ATP8A2: variants seen among roughly 807,000 people sequenced by gnomAD.
The protein encoded by ATP8A2 is phospholipid-transporting ATPase IB.
Under a neutral mutation model 165.6 loss-of-function variants are expected in ATP8A2, and 100 were observed. The observed-to-expected ratio is 0.60, with a 90% confidence interval of 0.51 to 0.71. The LOEUF is 0.71. Among genes scored for constraint, ATP8A2 ranks in the 30% least tolerant of loss-of-function variants. The pLI is 0.00. For synonymous variants in ATP8A2, 543 were observed against 548.8 expected, an observed-to-expected ratio of 0.99 and a Z score of 0.15; for missense variants, 1,227 against 1,479.5, an observed-to-expected ratio of 0.83 and a Z score of 2.80.
At chr13:25,816,438 C>T (rs1308319132) in intron 27 of ATP8A2, among the ~76,000 whole-genome samples, 1 of 152,200 alleles carries the variant, frequency 6.6e-6, no homozygotes, top group Non-Finnish European at 1.5e-5. Flanking sequence ...CTTCTCCCCG[C>T]ACCCAGTTGC....
intron 25 of ATP8A2, among the ~76,000 whole-genome samples, chr13:25,700,518 G>A (rs1195115658): frequency 6.6e-6 from 1 of 152,100 alleles, no homozygotes; most frequent in Non-Finnish European, 1.5e-5. Flanking sequence ...CTCCATCCCT[G>A]TTGTTTCATG....
chr13:25,831,533 CA>C (rs1951469924), intron 28 of ATP8A2, among the ~76,000 whole-genome samples: 1 of 152,094 alleles, frequency 6.6e-6, no homozygotes, highest in Non-Finnish European at 1.5e-5. Flanking sequence ...ATTTTCATAA[CA>C]AGTTAATAGC....
At chr13:25,693,405 T>C (rs1317577446) in intron 24 of ATP8A2, among the ~76,000 whole-genome samples, 1 of 152,146 alleles carries the variant, frequency 6.6e-6, no homozygotes, top group Middle Eastern at 3.2e-3. Context: ...AGTGCAGGAA[T>C]TAAACTCAAA....
At chr13:25,779,822 TA>T (rs989075910) in intron 27 of ATP8A2, among the ~76,000 whole-genome samples, 1 of 152,190 alleles carries the variant, frequency 6.6e-6, no homozygotes, top group Non-Finnish European at 1.5e-5. Flanking sequence ...ATGTAAAGAT[TA>T]GGGGTAAAGA....
Position 25,832,460 on chromosome 13 carries a change from G to A in ATP8A2, c.2754+4268G>A, listed in dbSNP as rs538195221. ...ATAAACATAAATACAAAAATTCTACGTAAAATATTGGCAAATGGAGTCCAA... is the reference window on the plus strand; with the variant it reads ...ATAAACATAAATACAAAAATTCTACATAAAATATTGGCAAATGGAGTCCAA... On this transcript the variant is annotated intron_variant, in intron 28 of 36. Transcript: ENST00000381655. Among the ~76,000 whole-genome samples the A allele has an allele frequency of 1.4e-4, 21 of 152,194 alleles. No homozygotes were observed. In the East Asian group the frequency reaches 2.7e-3, roughly 20 times the overall value.
intron 25 of ATP8A2, among the ~76,000 whole-genome samples, chr13:25,720,670 A>C (rs1270604692): frequency 6.6e-6 from 1 of 152,140 alleles, no homozygotes; most frequent in Non-Finnish European, 1.5e-5. Flanking sequence ...CCCACCCCTC[A>C]GGTGTGAAAC....
intron 25 of ATP8A2, among the ~76,000 whole-genome samples, chr13:25,764,908 A>G (rs1440422087): frequency 6.6e-6 from 1 of 152,180 alleles, no homozygotes; most frequent in African/African-American, 2.4e-5. Context: ...GGCAGGTAAG[A>G]TCGGAGGAGG....
intron 26 of ATP8A2, among the ~76,000 whole-genome samples, chr13:25,770,089 TC>T (rs1176572554): frequency 1.3e-5 from 2 of 152,208 alleles, no homozygotes; most frequent in East Asian, 3.9e-4. Flanking sequence ...CTGTCCTTGT[TC>T]ATTTCTGGGC....
chr13:25,932,029 CAA>C (rs1172802920), intron 33 of ATP8A2, among the ~76,000 whole-genome samples: 1 of 132,454 alleles, frequency 7.5e-6, no homozygotes, highest in Non-Finnish European at 1.6e-5. Flanking sequence ...GCCTGGGTGA[CAA>C]GAGTGAAACT....
chr13:25,498,609 GGAT>G (rs1397308414), intron 2 of ATP8A2, among the ~76,000 whole-genome samples: 5 of 152,148 alleles, frequency 3.3e-5, no homozygotes, highest in Non-Finnish European at 5.9e-5. Flanking sequence ...CAAGCTCAGA[GGAT>G]GATATTAGAT....
At chr13:25,376,447 G>T (rs748522653) in intron 1 of ATP8A2, among the ~76,000 whole-genome samples, 13 of 152,082 alleles carry the variant, frequency 8.5e-5, no homozygotes, top group Non-Finnish European at 1.5e-4. Flanking sequence ...TATATCTAGG[G>T]GTTAAAACCC....
intron 24 of ATP8A2, among the ~76,000 whole-genome samples, chr13:25,593,117 G>A (rs1459815616): frequency 6.6e-6 from 1 of 152,134 alleles, no homozygotes; most frequent in South Asian, 2.1e-4. Flanking sequence ...CGTATTTGGT[G>A]GTGGGGAGGG....
intron 27 of ATP8A2, among the ~76,000 whole-genome samples, chr13:25,797,936 T>A (rs1950530564): frequency 6.6e-6 from 1 of 152,198 alleles, no homozygotes; most frequent in Admixed American, 6.5e-5. Flanking sequence ...ATGGGAAGGG[T>A]ACCCTGATTA....
chr13:25,419,412 A>G (rs1406831968), intron 1 of ATP8A2, among the ~76,000 whole-genome samples: 2 of 152,194 alleles, frequency 1.3e-5, no homozygotes, highest in South Asian at 2.1e-4. Context: ...AGAGAAAAGC[A>G]TACACGTTTC....
intron 25 of ATP8A2, among the ~76,000 whole-genome samples, chr13:25,734,185 T>C (rs972704948): frequency 6.6e-6 from 1 of 152,204 alleles, no homozygotes; most frequent in Non-Finnish European, 1.5e-5. Flanking sequence ...TCATTGTTAA[T>C]TGCTGTGTAA....
At chr13:25,641,855 A>ACTG (rs1231500436) in intron 24 of ATP8A2, among the ~76,000 whole-genome samples, 1 of 144,672 alleles carries the variant, frequency 6.9e-6, no homozygotes, top group East Asian at 2.0e-4. Flanking sequence ...TTCAAACTAT[A>ACTG]CAAGGCTACA....
chr13:25,822,309 A>G (rs1951202155), intron 27 of ATP8A2, among the ~76,000 whole-genome samples: 1 of 152,158 alleles, frequency 6.6e-6, no homozygotes, highest in Admixed American at 6.5e-5. Flanking sequence ...GTTGAATATT[A>G]TGTGATTAGA....
At chr13:25,512,336 C>G (rs547629994) in intron 2 of ATP8A2, among the ~76,000 whole-genome samples, 2 of 152,230 alleles carry the variant, frequency 1.3e-5, no homozygotes, top group South Asian at 2.1e-4. Flanking sequence ...CACCTTTCCC[C>G]CCTTTCTATT....
At chr13:25,573,235 G>A (rs1245043445) in intron 18 of ATP8A2, among the ~76,000 whole-genome samples, 1 of 152,174 alleles carries the variant, frequency 6.6e-6, no homozygotes, top group Non-Finnish European at 1.5e-5. Context: ...AATGGAGGTT[G>A]GGGGTTGGGG....
Sources: gnomAD v4.1 joint callset for allele counts (sites outside exome capture counted in the v4.1 genomes callset) on GRCh38, gnomAD v4.1.1 for gene constraint, MANE v1.5 for transcripts, NCBI Gene and HGNC (gene_info 2026-07-23, HGNC 2026-07-21) for gene names.